Variants in HTR1E observed in about 807,000 individuals in gnomAD.
HTR1E encodes the protein 5-hydroxytryptamine receptor 1E.
Under a neutral mutation model 3.4 loss-of-function variants are expected in HTR1E, and 3 were observed. That is an observed-to-expected ratio of 0.89 (90% CI 0.41 to 2.31). The LOEUF (loss-of-function observed/expected upper bound fraction) is 2.31. Among genes scored for constraint, HTR1E ranks in the 30% most tolerant of loss-of-function variants. The pLI is 0.05. For missense variants in HTR1E, 392 were observed against 467.0 expected (o/e 0.84, Z 1.48); for synonymous variants, 170 against 182.8 (o/e 0.93, Z 0.56).
chr6:86,981,215 A>G (rs1324883332), intron 1 of HTR1E, among the ~76,000 whole-genome samples: 1 of 152,172 alleles, frequency 6.6e-6, no homozygotes, highest in Non-Finnish European at 1.5e-5. Flanking sequence ...GGGAACATCC[A>G]CTTTGCTGCT....
intron 1 of HTR1E, among the ~76,000 whole-genome samples, chr6:86,988,475 C>T (rs1767826653): frequency 6.6e-6 from 1 of 152,096 alleles, no homozygotes; most frequent in Admixed American, 6.6e-5. Flanking sequence ...ACTTCCCAAG[C>T]CCGAATTCCC....
chr6:87,001,776 C>G (rs1422380746), intron 1 of HTR1E, among the ~76,000 whole-genome samples: 3 of 152,016 alleles, frequency 2.0e-5, no homozygotes, highest in Non-Finnish European at 4.4e-5. Flanking sequence ...GGAAGGAACT[C>G]AGACAAAAAT....
chr6:86,992,034 C>T (rs925922876), intron 1 of HTR1E, among the ~76,000 whole-genome samples: 1 of 152,132 alleles, frequency 6.6e-6, no homozygotes, highest in African/African-American at 2.4e-5. Context: ...TCAGGCCATC[C>T]TCTACTTTCA....
rs140545385 is a variant in HTR1E at position 87,015,904 on chromosome 6, G to A, written c.570G>A (p.Ala190=). ...VIYTIYSTLG[A]FYIPLTLILI... ...ACACCATTTACTCCACGCTGGGTGCGTTTTATATCCCCTTGACTTTGATAC... is the reference window on the plus strand; with the variant it reads ...ACACCATTTACTCCACGCTGGGTGCATTTTATATCCCCTTGACTTTGATAC... The change falls in exon 2 of 2, where the codon GCG becomes GCA. Residue 190 remains alanine, a synonymous_variant. Coordinates refer to ENST00000305344, the MANE Select transcript of HTR1E (RefSeq NM_000865.3). 3.3e-4 allele frequency: 540 copies of A among 1,613,486 alleles called. 3 individuals carry two copies. The African/African-American group carries it at 6.2e-3, about 18-fold the overall frequency.
chr6:87,014,428 A>G (rs1363428075), intron 1 of HTR1E, among the ~76,000 whole-genome samples: 2 of 152,156 alleles, frequency 1.3e-5, no homozygotes, highest in Admixed American at 1.3e-4. Flanking sequence ...ACCAGAAATA[A>G]CATTTGACTC....
chr6:86,985,231 T>C lies in HTR1E; in HGVS notation c.-185-29919T>C, dbSNP rs115812414. Among the ~76,000 whole-genome samples, 684 of 152,132 alleles carry C rather than the reference T, an allele frequency of 4.5e-3. 4 individuals carry two copies. The highest frequency in any genetic ancestry group is 0.016 in the African/African-American group (652 of 41,488). The stretch of plus-strand genomic sequence containing the variant: ...CTGGGTTACCTCAAAGCAAATCAAG[T>C]ATATTTTTAGGATTCCAATGTAGGA... On this transcript the variant is annotated intron_variant, in intron 1 of 1. Coordinates refer to ENST00000305344, the MANE Select transcript of HTR1E (RefSeq NM_000865.3).
intron 1 of HTR1E, among the ~76,000 whole-genome samples, chr6:86,978,229 C>G (rs1487526133): frequency 2.0e-5 from 3 of 152,128 alleles, no homozygotes; most frequent in Non-Finnish European, 4.4e-5. Context: ...ATTATTTCCC[C>G]CACTCACCAA....
Position 87,016,056 on chromosome 6 carries a change from C to G in HTR1E, c.722C>G (p.Thr241Ser). The change falls in exon 2 of 2, where the codon ACT (threonine) becomes AGT (serine). Residue 241 changes from threonine to serine, a missense_variant. Physicochemically the swap from Thr to Ser is moderately conservative, Grantham distance 58. Transcript: ENST00000305344. ...TTTGCAAGTTGTAAACTTACACAGA[C>G]TTTCTGTGTGTCTGACTTCTCCACC... ...NSFASCKLTQ[T>S]FCVSDFSTSD... 1 of 1,614,214 alleles carries G rather than the reference C, an allele frequency of 6.2e-7. No individual in the cohort carries two copies. The highest frequency in any genetic ancestry group is 8.5e-7 in the Non-Finnish European group (1 of 1,180,042).
chr6:87,007,156 A>G (rs1233183729), intron 1 of HTR1E, among the ~76,000 whole-genome samples: 1 of 152,224 alleles, frequency 6.6e-6, no homozygotes, highest in Admixed American at 6.5e-5. Flanking sequence ...AAAGAATGAG[A>G]TCCTGTCATT....
At chr6:86,964,543 C>T (rs929114680) in intron 1 of HTR1E, among the ~76,000 whole-genome samples, 14 of 151,542 alleles carry the variant, frequency 9.2e-5, no homozygotes, top group African/African-American at 3.2e-4. Context: ...TTCTCTCTTT[C>T]TCTGCCTTTA....
In HTR1E at chr6:87,015,894, C is replaced by T. The variant is rs766560806; in HGVS notation, c.560C>T (p.Thr187Met). The T allele has an allele frequency of 1.3e-5, 21 of 1,613,122 alleles. No homozygotes were observed. In the East Asian group the frequency reaches 1.3e-4, roughly 10 times the overall value. Residue 187 changes from threonine to methionine, a missense_variant, in exon 2 of 2, where the codon ACG (threonine) becomes ATG (methionine). Physicochemically the swap from Thr to Met is moderately conservative, Grantham distance 81. Transcript: ENST00000305344. Reference sequence around the variant, plus strand: ...CATGTTATCTACACCATTTACTCCACGCTGGGTGCGTTTTATATCCCCTTG... The same window carrying T: ...CATGTTATCTACACCATTTACTCCATGCTGGGTGCGTTTTATATCCCCTTG... ...HDHVIYTIYS[T>M]LGAFYIPLTL... is the part of the protein sequence containing the mutation.
chr6:86,995,651 G>A (rs776336070), intron 1 of HTR1E, among the ~76,000 whole-genome samples: 2 of 104,132 alleles, frequency 1.9e-5, no homozygotes, highest in Non-Finnish European at 3.5e-5. Flanking sequence ...GGGTGACAGA[G>A]TGAGACTCCA....
intron 1 of HTR1E, among the ~76,000 whole-genome samples, chr6:86,941,072 CT>C (rs1415589605): frequency 6.6e-6 from 1 of 152,250 alleles, no homozygotes; most frequent in Non-Finnish European, 1.5e-5. Flanking sequence ...GAGTGACTTA[CT>C]TCTCTCTTGT....
chr6:86,988,999 G>A (rs972277058), intron 1 of HTR1E, among the ~76,000 whole-genome samples: 3 of 152,162 alleles, frequency 2.0e-5, no homozygotes. Flanking sequence ...TGCCATATAA[G>A]TGTGATGAAT....
At chr6:86,977,296 A>C (rs920175610) in intron 1 of HTR1E, among the ~76,000 whole-genome samples, 1 of 152,010 alleles carries the variant, frequency 6.6e-6, no homozygotes. Context: ...ATTTGGTTTT[A>C]TGTTCCTGCA....
chr6:87,010,145 C>T (rs1360616327), intron 1 of HTR1E, among the ~76,000 whole-genome samples: 128 of 109,158 alleles, frequency 1.2e-3, no homozygotes, highest in Admixed American at 2.0e-3. Context: ...CGGGCAGAGG[C>T]GCCCCTCACC....
intron 1 of HTR1E, among the ~76,000 whole-genome samples, chr6:86,962,483 A>G (rs1275307040): frequency 1.3e-5 from 2 of 152,200 alleles, no homozygotes; most frequent in African/African-American, 2.4e-5. Context: ...TCATGGCACA[A>G]TGCATTACTC....
rs1421924486 is a variant in HTR1E, at chr6:86,964,776, T to A, written c.-186+26953T>A. ...ATTACAAATTGCTAATGTTTATTAATTCTTAAGGTTCCTTATATTTTAATG... is the reference window on the plus strand; with the variant it reads ...ATTACAAATTGCTAATGTTTATTAAATCTTAAGGTTCCTTATATTTTAATG... On this transcript the variant is annotated intron_variant, in intron 1 of 1. Transcript: ENST00000305344. Among the ~76,000 whole-genome samples, 13 of 152,230 alleles carry A rather than the reference T, an allele frequency of 8.5e-5. No individual in the cohort carries two copies. In the East Asian group the frequency reaches 2.3e-3, roughly 27 times the overall value.
intron 1 of HTR1E, among the ~76,000 whole-genome samples, chr6:87,014,224 T>A (rs931067366): frequency 1.3e-5 from 2 of 150,670 alleles, no homozygotes; most frequent in Non-Finnish European, 3.0e-5. Flanking sequence ...CAAACCTGCA[T>A]GTTGTGCACC....
Sources: gnomAD v4.1 joint callset for allele counts (sites outside exome capture counted in the v4.1 genomes callset) on GRCh38, gnomAD v4.1.1 for gene constraint, MANE v1.5 for transcripts, NCBI Gene and HGNC (gene_info 2026-07-23, HGNC 2026-07-21) for gene names.